Variants in MXD4 observed in about 807,000 individuals in gnomAD.
The protein encoded by MXD4 is MAX dimerization protein 4, also known as Mad4 homolog.
Under a neutral mutation model 24.5 loss-of-function variants are expected in MXD4, and 16 were observed. That is an observed-to-expected ratio of 0.65 (90% CI 0.44 to 0.99). MXD4 has a LOEUF of 0.99. Ranked by LOEUF, MXD4 falls within the 50% of genes least tolerant of loss-of-function variation. The pLI, the probability that MXD4 is intolerant of heterozygous loss-of-function variation, is 0.00. For missense variants in MXD4, 301 were observed against 301.5 expected (o/e 1.00, Z 0.01); for synonymous variants, 164 against 134.2 (o/e 1.22, Z -1.54).
chr4:2,251,584 C>T (rs572976957), intron 4 of MXD4, among the ~76,000 whole-genome samples: 5 of 152,248 alleles, frequency 3.3e-5, no homozygotes, highest in South Asian at 2.1e-4. Context: ...TGGCTGGCAC[C>T]GTCTCCAGGA....
intron 2 of MXD4, 151 bp from the exon 3 acceptor site, chr4:2,258,162 G>A: frequency 2.3e-6 from 2 of 883,672 alleles, no homozygotes; most frequent in Non-Finnish European, 3.4e-6. Context: ...CCTGGGGCAG[G>A]TGAGCAGTTG....
chr4:2,250,400 G>C lies in MXD4; in HGVS notation c.*144C>G, dbSNP rs1735292642. The C allele has an allele frequency of 3.5e-6, 4 of 1,152,088 alleles. No individual in the cohort carries two copies. The highest frequency in any genetic ancestry group is 4.7e-6 in the Non-Finnish European group (4 of 843,204). The allele number at this position is 1,152,088 out of a possible 1,614,324, so 71.4% of individuals were successfully genotyped here. ...GCAGGCCCTGACCGGCAAGCGGGCA[G>C]TGCCAGGCAGCCCAGCAGCAGCTGG... On this transcript the variant is annotated 3_prime_UTR_variant, in exon 6 of 6. Coordinates refer to ENST00000337190, the MANE Select transcript of MXD4 (RefSeq NM_006454.3).
At position 2,255,210 on chromosome 4, in the gene MXD4, T is replaced by A. The variant is rs547730865; in HGVS notation, c.195-2688A>T. ...GGAAATGGAGAACAAGGTCCCCTCC[T>A]TATCCAAGTCTCATCGGCAATGTTA... On this transcript the variant is annotated intron_variant, in intron 3 of 5. Transcript: ENST00000337190. The A allele has an allele frequency of 4.5e-5, 19 of 418,832 alleles. No individual in the cohort carries two copies. The East Asian group carries it at 8.6e-4, about 19-fold the overall frequency. 25.9% of individuals were successfully genotyped at this position (418,832 alleles called of 1,614,324 possible).
chr4:2,250,635 G>C lies in MXD4; in HGVS notation c.539C>G (p.Ala180Gly). Reference protein sequence around the residue: ...ELDSVGSSSDADDHYSLQSGT... With the variant: ...ELDSVGSSSDGDDHYSLQSGT... ...ACTCTGCAGGCTGTAGTGGTCGTCC[G>C]CGTCACTGCTGCTGCCAACACTGTC... The change falls in exon 6 of 6, where the codon GCG becomes GGG. Residue 180 changes from alanine to glycine, a missense_variant. Transcript: ENST00000337190. The C allele has an allele frequency of 9.3e-6, 15 of 1,613,592 alleles. No individual in the cohort carries two copies. Among genetic ancestry groups the C allele is most frequent in the Non-Finnish European group, 1.2e-5 (14 of 1,179,950 alleles).
intron 3 of MXD4, among the ~76,000 whole-genome samples, chr4:2,255,969 C>A (rs1337694921): frequency 1.3e-5 from 2 of 152,304 alleles, no homozygotes; most frequent in East Asian, 3.9e-4. Flanking sequence ...TAGATGTTGC[C>A]AACAGAACTT....
intron 4 of MXD4, 150 bp from the exon 5 acceptor site, chr4:2,251,396 T>C: frequency 1.0e-6 from 1 of 1,002,628 alleles, no homozygotes; most frequent in South Asian, 2.0e-5. Context: ...GTGCCCAGTC[T>C]CTGCCAGCCC....
chr4:2,254,204 A>C (rs1735377601), intron 3 of MXD4: 1 of 152,218 alleles, frequency 6.6e-6, no homozygotes, highest in Non-Finnish European at 1.5e-5. Context: ...AAAGGAAAAA[A>C]AATAAAAAAA....
Position 2,250,268 on chromosome 4 carries a change from C to A in MXD4, c.*276G>T, listed in dbSNP as rs1433746825. ...TAATACTTCTGGAATGATTAGGAAT[C>A]TGAGAACAGACCGTGGGCGGCTATG... On this transcript the variant is annotated 3_prime_UTR_variant, in exon 6 of 6. Coordinates refer to ENST00000337190, the MANE Select transcript of MXD4 (RefSeq NM_006454.3). 1.5e-5 allele frequency: 8 copies of A among 535,340 alleles called. No individual in the cohort carries two copies. In the Admixed American group the frequency reaches 2.1e-4, roughly 14 times the overall value. 33.2% of individuals were successfully genotyped at this position (535,340 alleles called of 1,614,324 possible). A position where few individuals can be genotyped will look rare whatever the true frequency, so the allele number is the denominator to read the frequency against.
chr4:2,259,857 C>G (rs1028273713), intron 2 of MXD4, among the ~76,000 whole-genome samples: 1 of 152,190 alleles, frequency 6.6e-6, no homozygotes, highest in Non-Finnish European at 1.5e-5. Context: ...AATGGACCCC[C>G]CTGCAGGCTG....
chr4:2,252,681 C>T (rs1735349289), intron 3 of MXD4, 159 bp from the exon 4 acceptor site: 5 of 581,186 alleles, frequency 8.6e-6, no homozygotes. Context: ...AACCCCCGTC[C>T]CCCACCCCCA....
chr4:2,258,741 T>A (rs1735480379), intron 2 of MXD4: 15 of 361,476 alleles, frequency 4.1e-5, no homozygotes, highest in South Asian at 3.0e-4. Context: ...GCTTCTGAGA[T>A]GTGGATGCTT....
rs1392590949 is a variant in MXD4, at chr4:2,248,059, A to AT, written c.*2484dup. On this transcript the variant is annotated 3_prime_UTR_variant, in exon 6 of 6. Coordinates refer to ENST00000337190, the MANE Select transcript of MXD4 (RefSeq NM_006454.3). ...TCTGTTCTGCTTCTGTCTGCTCTCT[A>AT]TAGACACGGTGATGGCCTCTTGGTC... 4 of 152,358 alleles carry AT rather than the reference A, an allele frequency of 2.6e-5. No individual in the cohort carries two copies. Among genetic ancestry groups the AT allele is most frequent in the Non-Finnish European group, 5.9e-5 (4 of 68,158 alleles). 9.4% of individuals were successfully genotyped at this position (152,358 alleles called of 1,614,324 possible).
At chr4:2,253,112 G>A (rs1350399385) in intron 3 of MXD4, 1 of 154,294 alleles carries the variant, frequency 6.5e-6, no homozygotes, top group Non-Finnish European at 1.4e-5. Flanking sequence ...CACAAAACTG[G>A]AGCCATGACA....
chr4:2,256,077 G>T (rs1735422967), intron 3 of MXD4, among the ~76,000 whole-genome samples: 2 of 152,222 alleles, frequency 1.3e-5, no homozygotes, highest in African/African-American at 2.4e-5. Flanking sequence ...GGGGAATGTG[G>T]GGCAGAGACT....
chr4:2,250,267 T>C lies in MXD4; in HGVS notation c.*277A>G. 3.7e-6 allele frequency: 2 copies of C among 533,550 alleles called. No homozygotes were observed. Among genetic ancestry groups the C allele is most frequent in the South Asian group, 2.6e-5 (1 of 38,438 alleles). 33.1% of individuals were successfully genotyped at this position (533,550 alleles called of 1,614,324 possible). ...TTAATACTTCTGGAATGATTAGGAA[T>C]CTGAGAACAGACCGTGGGCGGCTAT... On this transcript the variant is annotated 3_prime_UTR_variant, in exon 6 of 6. Transcript: ENST00000337190.
rs1278176653 is a variant in MXD4 at position 2,250,212 on chromosome 4, G to A, written c.*332C>T. ...GTGGTGGTCATTAAGCCCCTCACAC[G>A]GCACCTGCCGAGGTTTGCAGCAATG... On this transcript the variant is annotated 3_prime_UTR_variant, in exon 6 of 6. Coordinates refer to ENST00000337190, the MANE Select transcript of MXD4 (RefSeq NM_006454.3). 9.2e-6 allele frequency: 3 copies of A among 326,432 alleles called. No individual in the cohort carries two copies. The highest frequency in any genetic ancestry group is 6.4e-5 in the African/African-American group (3 of 47,104). 20.2% of individuals were successfully genotyped at this position (326,432 alleles called of 1,614,324 possible). A position where few individuals can be genotyped will look rare whatever the true frequency, so the allele number is the denominator to read the frequency against.
chr4:2,261,889 C>A (rs1468736978), intron 1 of MXD4, 28 bp downstream of exon 1: 8 of 1,416,590 alleles, frequency 5.6e-6, no homozygotes, highest in Non-Finnish European at 7.4e-6. Flanking sequence ...CCCACCGCCG[C>A]GGGCGCACAA....
intron 3 of MXD4, among the ~76,000 whole-genome samples, chr4:2,256,374 C>T (rs1156460956): frequency 6.6e-6 from 1 of 152,226 alleles, no homozygotes; most frequent in East Asian, 1.9e-4. Context: ...AGGCCCTGCC[C>T]AGTCCCCAGT....
intron 2 of MXD4, among the ~76,000 whole-genome samples, chr4:2,260,983 G>C (rs1401359260): frequency 2.0e-5 from 3 of 152,232 alleles, no homozygotes; most frequent in African/African-American, 4.8e-5. Context: ...GGCTTCTGCT[G>C]CCTGAACACG....
Sources: allele counts gnomAD v4.1 joint callset (sites outside exome capture counted in the v4.1 genomes callset), GRCh38; gene constraint gnomAD v4.1.1; transcripts MANE v1.5; gene names NCBI Gene and HGNC (gene_info 2026-07-23, HGNC 2026-07-21).